The following CPXM2 variants were observed in gnomAD, a reference collection of about 807,000 sequenced individuals.
The protein encoded by CPXM2 is inactive carboxypeptidase-like protein X2.
CPXM2 carries 66 observed loss-of-function variants against 86.1 expected under a neutral mutation model. The ratio of observed to expected loss-of-function variants is 0.77; its 90% confidence interval spans 0.63 to 0.94. The LOEUF (loss-of-function observed/expected upper bound fraction) is 0.94. Among genes scored for constraint, CPXM2 ranks in the 40% least tolerant of loss-of-function variants. The probability of loss-of-function intolerance (pLI) is 0.00; values close to 1 mark genes in which losing one functional copy is unlikely to be tolerated. For missense variants in CPXM2, 948 were observed against 1,026.3 expected (o/e 0.92, Z 1.04); for synonymous variants, 388 against 400.2 (o/e 0.97, Z 0.36).
At chr10:123,905,980 G>A (rs1218477756) in intron 2 of CPXM2, among the ~76,000 whole-genome samples, 6 of 152,242 alleles carry the variant, frequency 3.9e-5, no homozygotes, top group African/African-American at 7.2e-5. Context: ...CCCACCTCCC[G>A]ACGGTCTGTC....
rs149976953 is a variant in CPXM2, at chr10:123,818,600, G to T, written c.654-19401C>A. ...ACGGAATGCCTTATCCACTGTCACG[G>T]TATTCTGCACAGCATTGCCTCTGAC... On this transcript the variant is annotated intron_variant, in intron 4 of 13. Transcript: ENST00000241305. Among the ~76,000 whole-genome samples the T allele has an allele frequency of 5.6e-4, 86 of 152,302 alleles. 2 individuals are homozygous for T. In the East Asian group the frequency reaches 0.01, roughly 18 times the overall value.
chr10:123,845,749 C>G (rs1848481767), intron 3 of CPXM2, among the ~76,000 whole-genome samples: 1 of 152,068 alleles, frequency 6.6e-6, no homozygotes, highest in South Asian at 2.1e-4. Context: ...CTAATATACA[C>G]ACCATGGAAT....
chr10:123,865,786 G>A lies in CPXM2; in HGVS notation c.404-3063C>T, dbSNP rs1320436799. 6.6e-6 allele frequency among the ~76,000 whole-genome samples: 1 copy of A among 152,164 alleles called. No homozygotes were observed. The highest frequency in any genetic ancestry group is 2.4e-5 in the African/African-American group (1 of 41,428). On this transcript the variant is annotated intron_variant, in intron 2 of 13. Coordinates refer to ENST00000241305, the MANE Select transcript of CPXM2 (RefSeq NM_198148.3). The surrounding 1 kb of genome is among the most constrained non-coding windows in gnomAD (Gnocchi z 4.7). ...GGCTCGCCCAGCTTCTGAGTTATGG[G>A]TTCTTCCAACTGCCTCCTCCTGGCC...
chr10:123,837,186 G>C (rs889002124), intron 4 of CPXM2, among the ~76,000 whole-genome samples: 1 of 152,216 alleles, frequency 6.6e-6, no homozygotes, highest in African/African-American at 2.4e-5. Flanking sequence ...TTGCCAACCA[G>C]AAAGCGAGCG....
At chr10:123,826,985 T>C (rs944178520) in intron 4 of CPXM2, among the ~76,000 whole-genome samples, 1 of 152,168 alleles carries the variant, frequency 6.6e-6, no homozygotes, top group Non-Finnish European at 1.5e-5. Context: ...GTCATTAGTA[T>C]GAAGGAAACT....
upstream of CPXM2, among the ~76,000 whole-genome samples, chr10:123,895,323 C>T (rs1945328406): frequency 6.6e-6 from 1 of 151,942 alleles, no homozygotes; most frequent in South Asian, 2.1e-4. Context: ...AGGGTTTCAC[C>T]ATGTTGGTCA....
At chr10:123,783,388 G>A (rs906522760) in intron 6 of CPXM2, among the ~76,000 whole-genome samples, 1 of 152,230 alleles carries the variant, frequency 6.6e-6, no homozygotes, top group Non-Finnish European at 1.5e-5. Context: ...ATCTATTCCA[G>A]GTGCTTCAGA....
Position 123,885,688 on chromosome 10 carries a change from G to A in CPXM2, c.305-5379C>T, listed in dbSNP as rs974624591. ...TTGTGACCCCAGAGTGGTAGCTGCA[G>A]TGGCTGGGGCCTGAGAGGGCCACAG... On this transcript the variant is annotated intron_variant, in intron 1 of 13. Transcript: ENST00000241305. This position sits in a 1 kb window ranked among gnomAD's most constrained non-coding sequence, Gnocchi z 4.0. Among the ~76,000 whole-genome samples, 10 of 152,314 alleles carry A rather than the reference G, an allele frequency of 6.6e-5. No homozygotes were observed. The highest frequency in any genetic ancestry group is 2.4e-4 in the African/African-American group (10 of 41,578).
chr10:123,806,454 C>T (rs1461388260), intron 4 of CPXM2, among the ~76,000 whole-genome samples: 3 of 152,106 alleles, frequency 2.0e-5, no homozygotes, highest in Non-Finnish European at 4.4e-5. Flanking sequence ...ATAAGCTTGG[C>T]AAGCTACCTA....
intron 4 of CPXM2, among the ~76,000 whole-genome samples, chr10:123,835,685 A>G (rs539519420): frequency 6.6e-6 from 1 of 152,162 alleles, no homozygotes; most frequent in Non-Finnish European, 1.5e-5. Flanking sequence ...AAACACACAC[A>G]CCCTCTCTCC....
chr10:123,866,120 T>C (rs1234596895), intron 2 of CPXM2, among the ~76,000 whole-genome samples: 1 of 152,154 alleles, frequency 6.6e-6, no homozygotes, highest in Non-Finnish European at 1.5e-5. Flanking sequence ...CAGTCTTTCC[T>C]GGCTGCAGCA....
At chr10:123,792,671 T>C (rs1847232038) in intron 6 of CPXM2, among the ~76,000 whole-genome samples, 1 of 152,202 alleles carries the variant, frequency 6.6e-6, no homozygotes, top group South Asian at 2.1e-4. Flanking sequence ...AGCAACAGGT[T>C]GGTTCCCCTT....
intron 13 of CPXM2, chr10:123,752,318 A>T (rs1846096839): frequency 1.0e-6 from 1 of 984,918 alleles, no homozygotes; most frequent in Non-Finnish European, 1.2e-6. Context: ...TTCAGTGTGA[A>T]GCCTCATGGT....
intron 1 of CPXM2, among the ~76,000 whole-genome samples, chr10:123,880,997 C>T (rs982147397): frequency 2.6e-5 from 4 of 151,736 alleles, no homozygotes; most frequent in Non-Finnish European, 5.9e-5. Flanking sequence ...CAACCTAACT[C>T]TCTCCCAGGC....
At chr10:123,876,425 G>T (rs1374771163) in intron 2 of CPXM2, among the ~76,000 whole-genome samples, 1 of 152,100 alleles carries the variant, frequency 6.6e-6, no homozygotes. Context: ...TGAGAAAGGA[G>T]GGAACCAGCA....
At position 123,871,378 on chromosome 10, in the gene CPXM2, T is replaced by C. The variant is rs78781501; in HGVS notation, c.404-8655A>G. On this transcript the variant is annotated intron_variant, in intron 2 of 13. Transcript: ENST00000241305. ...CATTATGATCCAGTATAACTGATAA[T>C]CTCTATGTCTGCATCATCATGGAAA... Among the ~76,000 whole-genome samples, 650 of 152,290 alleles carry C rather than the reference T, an allele frequency of 4.3e-3. 3 individuals are homozygous for C. The highest frequency in any genetic ancestry group is 0.015 in the African/African-American group (620 of 41,550).
At chr10:123,853,975 C>T (rs1445081988) in intron 3 of CPXM2, among the ~76,000 whole-genome samples, 1 of 151,676 alleles carries the variant, frequency 6.6e-6, no homozygotes. Context: ...TTTTTTCTCC[C>T]CTCCCTCTCC....
chr10:123,763,074 T>C (rs1846383684), intron 10 of CPXM2, among the ~76,000 whole-genome samples: 1 of 152,178 alleles, frequency 6.6e-6, no homozygotes, highest in Non-Finnish European at 1.5e-5. Context: ...GGAGTCTTGC[T>C]CTGTGGCCAG....
At chr10:123,898,052 C>G (rs1945352206) in intron 2 of CPXM2, among the ~76,000 whole-genome samples, 1 of 152,228 alleles carries the variant, frequency 6.6e-6, no homozygotes, top group African/African-American at 2.4e-5. Flanking sequence ...CAATCAGACT[C>G]CACGCCAGGG....
Sources: gnomAD v4.1 joint callset for allele counts (sites outside exome capture counted in the v4.1 genomes callset) on GRCh38, gnomAD v4.1.1 for gene constraint, Gnocchi (gnomAD v3.1) non-coding constraint, MANE v1.5 for transcripts, NCBI Gene and HGNC (gene_info 2026-07-23, HGNC 2026-07-21) for gene names.